NAALADL2: variants seen among roughly 807,000 people sequenced by gnomAD.
The protein encoded by NAALADL2 is inactive N-acetylated-alpha-linked acidic dipeptidase-like protein 2.
A neutral mutation model predicts 87.2 loss-of-function variants in NAALADL2; 76 were observed. The observed-to-expected ratio is 0.87, with a 90% CI of 0.72 to 1.05. The LOEUF (loss-of-function observed/expected upper bound fraction) is 1.05. Ranked by LOEUF, NAALADL2 falls within the 50% of genes least tolerant of loss-of-function variation. NAALADL2 has a pLI of 0.00. For synonymous variants in NAALADL2, 354 were observed against 331.0 expected, an observed-to-expected ratio of 1.07 and a Z score of -0.75; for missense variants, 1,089 against 945.8, an observed-to-expected ratio of 1.15 and a Z score of -1.99.
At chr3:175,352,168 ATT>A (rs56305727) in intron 5 of NAALADL2, among the ~76,000 whole-genome samples, 9,944 of 146,798 alleles carry the variant, frequency 0.068, 393 homozygotes, top group Non-Finnish European at 0.098. Context: ...ACTGGCTTGG[ATT>A]TTTTTTTTTT....
At chr3:174,682,829 A>G (rs138579384) in intron 2 of NAALADL2, among the ~76,000 whole-genome samples, 2 of 152,342 alleles carry the variant, frequency 1.3e-5, no homozygotes, top group African/African-American at 2.4e-5. Context: ...AGTATTAATG[A>G]ATACCTTACT....
intron 3 of NAALADL2, among the ~76,000 whole-genome samples, chr3:174,741,319 G>T (rs1314268233): frequency 1.3e-5 from 2 of 151,736 alleles, no homozygotes; most frequent in South Asian, 2.1e-4. Flanking sequence ...TTATTAGGAA[G>T]ACTCAGTCTA....
At chr3:174,984,656 A>G (rs1745591206) in intron 1 of NAALADL2, among the ~76,000 whole-genome samples, 1 of 152,102 alleles carries the variant, frequency 6.6e-6, no homozygotes, top group African/African-American at 2.4e-5. Flanking sequence ...TTTTTTTTTC[A>G]TGTAATAAGA....
rs530893585 is a variant in NAALADL2 at position 175,513,890 on chromosome 3, A to G, written c.1653+42132A>G. On this transcript the variant is annotated intron_variant, in intron 9 of 13. Coordinates refer to ENST00000454872, the MANE Select transcript of NAALADL2 (RefSeq NM_207015.3). ...ATCTATAATAGGTGGTCAGGCAGACATCTGCCTTTCCAAAGGGTGAGAGGA... is the reference window on the plus strand; with the variant it reads ...ATCTATAATAGGTGGTCAGGCAGACGTCTGCCTTTCCAAAGGGTGAGAGGA... 3.3e-5 allele frequency among the ~76,000 whole-genome samples: 5 copies of G among 152,376 alleles called. No homozygotes were observed. In the South Asian group the frequency reaches 8.3e-4, roughly 25 times the overall value.
At chr3:175,232,964 T>TA (rs35031846) in intron 2 of NAALADL2, among the ~76,000 whole-genome samples, 2,767 of 152,288 alleles carry the variant, frequency 0.018, 34 homozygotes, top group Non-Finnish European at 0.03. Context: ...CTGTTCTAGG[T>TA]ACTATACAAA....
chr3:174,812,540 T>C (rs1720333828), intron 3 of NAALADL2, among the ~76,000 whole-genome samples: 1 of 152,242 alleles, frequency 6.6e-6, no homozygotes, highest in Non-Finnish European at 1.5e-5. Context: ...TAGCGTATAC[T>C]TCTTCTACTT....
chr3:175,711,207 G>T (rs563534039), intron 11 of NAALADL2, among the ~76,000 whole-genome samples: 2 of 151,786 alleles, frequency 1.3e-5, no homozygotes, highest in Non-Finnish European at 2.9e-5. Flanking sequence ...TTTAATTAAG[G>T]GTGCTTGAAA....
intron 5 of NAALADL2, among the ~76,000 whole-genome samples, chr3:175,417,369 T>G (rs1014977429): frequency 1.1e-4 from 17 of 152,012 alleles, no homozygotes; most frequent in African/African-American, 3.1e-4. Context: ...GAAGAAAAAT[T>G]AATATTATAG....
intron 10 of NAALADL2, among the ~76,000 whole-genome samples, chr3:175,607,462 C>A (rs768122188): frequency 2.6e-5 from 4 of 152,044 alleles, no homozygotes; most frequent in Non-Finnish European, 4.4e-5. Flanking sequence ...TCTGTGTAAT[C>A]CTTGATAGAT....
intron 1 of NAALADL2, among the ~76,000 whole-genome samples, chr3:174,867,109 T>C (rs1451742766): frequency 2.0e-5 from 3 of 151,686 alleles, no homozygotes; most frequent in Admixed American, 6.6e-5. Flanking sequence ...TGTAAAATAT[T>C]TAACTAAATT....
At chr3:175,523,873 A>T (rs1733023101) in intron 9 of NAALADL2, among the ~76,000 whole-genome samples, 2 of 152,234 alleles carry the variant, frequency 1.3e-5, no homozygotes, top group Non-Finnish European at 2.9e-5. Flanking sequence ...TTAAAAGTAG[A>T]AGACAAAGAA....
At chr3:175,088,340 G>A (rs75216745) in intron 1 of NAALADL2, among the ~76,000 whole-genome samples, 2,812 of 152,242 alleles carry the variant, frequency 0.018, 91 homozygotes, top group African/African-American at 0.062. Context: ...AATGAACATA[G>A]ACATACTGTG....
At chr3:175,682,121 AAG>A (rs796631618) in intron 11 of NAALADL2, among the ~76,000 whole-genome samples, 38 of 152,208 alleles carry the variant, frequency 2.5e-4, no homozygotes, top group African/African-American at 8.2e-4. Context: ...AGACACTACA[AAG>A]AGAGAGAAAA....
chr3:175,680,002 G>C (rs190141355), intron 11 of NAALADL2, among the ~76,000 whole-genome samples: 19 of 152,178 alleles, frequency 1.2e-4, no homozygotes, highest in African/African-American at 4.3e-4. Context: ...GGAAAAAAAA[G>C]TTGAGGAAAA....
At chr3:175,008,070 C>G (rs1318487196) in intron 1 of NAALADL2, among the ~76,000 whole-genome samples, 3 of 152,050 alleles carry the variant, frequency 2.0e-5, no homozygotes, top group African/African-American at 7.2e-5. Flanking sequence ...CAGAATAACA[C>G]AGAATTTAAA....
chr3:174,577,270 AT>A (rs1337724901), intron 2 of NAALADL2, among the ~76,000 whole-genome samples: 2 of 152,188 alleles, frequency 1.3e-5, no homozygotes, highest in Non-Finnish European at 2.9e-5. Flanking sequence ...AAATAACATT[AT>A]TTTAGAGGGA....
chr3:174,923,111 C>T (rs2108365153), intron 1 of NAALADL2, among the ~76,000 whole-genome samples: 1 of 152,096 alleles, frequency 6.6e-6, no homozygotes, highest in Middle Eastern at 3.4e-3. Context: ...AGGGTAAATA[C>T]AAGATGAGCC....
At chr3:175,575,053 G>C (rs1176366059) in intron 9 of NAALADL2, among the ~76,000 whole-genome samples, 1 of 152,066 alleles carries the variant, frequency 6.6e-6, no homozygotes, top group African/African-American at 2.4e-5. Context: ...AAACCCTTTA[G>C]TTTGTTTCAT....
intron 3 of NAALADL2, among the ~76,000 whole-genome samples, chr3:174,842,182 G>T (rs1389279646): frequency 6.6e-6 from 1 of 151,774 alleles, no homozygotes; most frequent in African/African-American, 2.4e-5. Context: ...TTCCTGAATA[G>T]CTGGGATTAC....
Sources: gnomAD v4.1 joint callset for allele counts (sites outside exome capture counted in the v4.1 genomes callset) on GRCh38, gnomAD v4.1.1 for gene constraint, MANE v1.5 for transcripts, NCBI Gene and HGNC (gene_info 2026-07-23, HGNC 2026-07-21) for gene names.